The following CENPK variants were observed in gnomAD, a reference collection of about 807,000 sequenced individuals.
The protein encoded by CENPK is centromere protein K, also known as SoxLZ/Sox6-binding protein Solt.
CENPK carries 46 observed loss-of-function variants against 40.9 expected under a neutral mutation model. That is an observed-to-expected ratio of 1.13 (90% CI 0.89 to 1.44). The LOEUF (loss-of-function observed/expected upper bound fraction) is 1.44. CENPK is among the 40% of genes most tolerant of loss of function. The probability of loss-of-function intolerance (pLI) is 0.00; values close to 1 mark genes in which losing one functional copy is unlikely to be tolerated. For synonymous variants in CENPK, 107 were observed against 104.4 expected, an observed-to-expected ratio of 1.02 and a Z score of -0.15; for missense variants, 288 against 303.5, an observed-to-expected ratio of 0.95 and a Z score of 0.38.
rs114285562 is a variant in CENPK, at chr5:65,529,448, A to T, written c.289-249T>A. On this transcript the variant is annotated intron_variant, in intron 6 of 10. Coordinates refer to ENST00000396679, the MANE Select transcript of CENPK (RefSeq NM_022145.5). ...TTAATATCATATTGAAAGGCAAAATAATGGTGTGTTTTCAGTAATAAGAGA... is the reference window on the plus strand; with the variant it reads ...TTAATATCATATTGAAAGGCAAAATTATGGTGTGTTTTCAGTAATAAGAGA... 634 of 365,500 alleles carry T rather than the reference A, an allele frequency of 1.7e-3. 2 individuals carry two copies. The highest frequency in any genetic ancestry group is 0.012 in the African/African-American group (575 of 47,512). The allele number at this position is 365,500 out of a possible 1,614,324, so 22.6% of individuals were successfully genotyped here.
At chr5:65,532,979 A>T (rs1746152307) in intron 6 of CENPK, among the ~76,000 whole-genome samples, 7 of 151,840 alleles carry the variant, frequency 4.6e-5, no homozygotes. Context: ...ATATCAATAG[A>T]TTTAAAAAAG....
At chr5:65,523,860 T>C (rs1415233798) in intron 9 of CENPK, among the ~76,000 whole-genome samples, 2 of 152,134 alleles carry the variant, frequency 1.3e-5, no homozygotes, top group African/African-American at 4.8e-5. Context: ...ATCCATAGAC[T>C]GGCCTCAGAA....
At chr5:65,515,588 G>T (rs894366829), downstream of CENPK, among the ~76,000 whole-genome samples, 24 of 152,176 alleles carry the variant, frequency 1.6e-4, no homozygotes, top group Non-Finnish European at 3.2e-4. Context: ...TATGTGTTTA[G>T]AAGTGTGTTC....
the CENPK span, among the ~76,000 whole-genome samples, chr5:65,496,877 C>A: frequency 6.6e-6 from 1 of 151,614 alleles, no homozygotes; most frequent in Non-Finnish European, 1.5e-5. Context: ...GATGGTGAAA[C>A]CCCATCTCTA....
chr5:65,529,056 A>G, intron 7 of CENPK, 39 bp from the exon 8 acceptor site: 1 of 1,552,550 alleles, frequency 6.4e-7, no homozygotes, highest in South Asian at 1.2e-5. Context: ...ATATCTAAAT[A>G]AAACTTTAAA....
In CENPK at chr5:65,518,545, A is replaced by G. The variant is rs1206028496; in HGVS notation, c.740T>C (p.Leu247Pro). Residue 247 changes from leucine (L) to proline (P), a missense_variant, in exon 11 of 11, where the codon CTG becomes CCG. Coordinates refer to ENST00000396679, the MANE Select transcript of CENPK (RefSeq NM_022145.5). ...SFWPPYVELL[L>P]RNGIALRHPE... The stretch of plus-strand genomic sequence containing the variant: ...ATGTCTCAAGGCAATTCCATTACGC[A>G]GCAGCAGCTCAACATAAGGTGGCCA... The G allele has an allele frequency of 6.2e-7, 1 of 1,613,422 alleles. No homozygotes were observed. The highest frequency in any genetic ancestry group is 1.1e-5 in the South Asian group (1 of 91,030).
intron 9 of CENPK, among the ~76,000 whole-genome samples, chr5:65,526,974 T>G (rs766809951): frequency 1.3e-5 from 2 of 151,988 alleles, no homozygotes; most frequent in African/African-American, 2.4e-5. Context: ...GCGTTTGTAG[T>G]CCCATCTACT....
chr5:65,519,994 C>T (rs1561612388), intron 10 of CENPK, among the ~76,000 whole-genome samples: 1 of 152,048 alleles, frequency 6.6e-6, no homozygotes, highest in Non-Finnish European at 1.5e-5. Context: ...ACTTAGGATT[C>T]TAATGCTAAG....
chr5:65,531,629 G>C (rs1470488845), intron 6 of CENPK, among the ~76,000 whole-genome samples: 1 of 151,484 alleles, frequency 6.6e-6, no homozygotes, highest in East Asian at 1.9e-4. Context: ...TCAGCCTCCC[G>C]AGTAGCTGGG....
chr5:65,528,611 A>C, intron 8 of CENPK, 33 bp from the exon 9 acceptor site: 1 of 1,478,752 alleles, frequency 6.8e-7, no homozygotes, highest in Non-Finnish European at 9.0e-7. Context: ...AGAAACATTT[A>C]ACTGATAAAA....
chr5:65,559,445 G>C (rs382605), intron 2 of CENPK, among the ~76,000 whole-genome samples: 89,044 of 150,616 alleles, frequency 0.59, 26,645 homozygotes, highest in Non-Finnish European at 0.63. Flanking sequence ...CCGGCTAAAA[G>C]GGTGAAACCC....
intron 9 of CENPK, 142 bp from the exon 10 acceptor site, chr5:65,521,670 G>A (rs1193761065): frequency 1.8e-5 from 11 of 617,336 alleles, no homozygotes; most frequent in Non-Finnish European, 2.6e-5. Flanking sequence ...GCGCAATCTC[G>A]GTTCACTGCA....
intron 6 of CENPK, 39 bp downstream of exon 6, chr5:65,542,763 A>C (rs1489598308): frequency 1.3e-6 from 2 of 1,498,136 alleles, no homozygotes; most frequent in Non-Finnish European, 1.8e-6. Flanking sequence ...TCTAGTTAGA[A>C]ATTATTTGGG....
chr5:65,523,122 CTATTT>C (rs1280600427), intron 9 of CENPK, among the ~76,000 whole-genome samples: 4 of 152,206 alleles, frequency 2.6e-5, no homozygotes, highest in Middle Eastern at 3.4e-3. Context: ...AAACATCATC[CTATTT>C]TATTTGTCTT....
At chr5:65,552,177 T>G (rs1223972378) in intron 4 of CENPK, among the ~76,000 whole-genome samples, 1 of 152,142 alleles carries the variant, frequency 6.6e-6, no homozygotes, top group Admixed American at 6.5e-5. Context: ...GCCAGGCTGG[T>G]CTTTGTTCTA....
At chr5:65,504,513 CA>C in the CENPK span, among the ~76,000 whole-genome samples, 1 of 149,832 alleles carries the variant, frequency 6.7e-6, no homozygotes, top group African/African-American at 2.5e-5. Flanking sequence ...AACTTTCTAC[CA>C]GATGTTTATT....
At chr5:65,520,770 A>G (rs1218681244) in intron 10 of CENPK, among the ~76,000 whole-genome samples, 1 of 152,152 alleles carries the variant, frequency 6.6e-6, no homozygotes, top group Non-Finnish European at 1.5e-5. Flanking sequence ...AAATATACCA[A>G]TGATTTTAAA....
chr5:65,544,275 C>T (rs1203112531), intron 5 of CENPK, among the ~76,000 whole-genome samples: 1 of 152,138 alleles, frequency 6.6e-6, no homozygotes, highest in Non-Finnish European at 1.5e-5. Flanking sequence ...TAATCACATC[C>T]TAAAGACCTC....
chr5:65,503,785 T>C, the CENPK span, among the ~76,000 whole-genome samples: 3 of 151,514 alleles, frequency 2.0e-5, no homozygotes, highest in Non-Finnish European at 4.4e-5. Flanking sequence ...GCCTCCAGAG[T>C]AGCTGGGACT....
Sources: allele counts gnomAD v4.1 joint callset (sites outside exome capture counted in the v4.1 genomes callset), GRCh38; gene constraint gnomAD v4.1.1; transcripts MANE v1.5; gene names NCBI Gene and HGNC (gene_info 2026-07-23, HGNC 2026-07-21).